Variants in PLA1A observed in about 807,000 individuals in gnomAD.
PLA1A encodes phosphatidylserine-specific phospholipase A1alpha.
Under a neutral mutation model 49.4 loss-of-function variants are expected in PLA1A, and 47 were observed. That is an observed-to-expected ratio of 0.95 (90% CI 0.75 to 1.21). The LOEUF (loss-of-function observed/expected upper bound fraction) is 1.21, where lower values mean the gene tolerates loss of function less well. Ranked by LOEUF, PLA1A falls within the 50% of genes most tolerant of loss-of-function variation. The pLI, the probability that PLA1A is intolerant of heterozygous loss-of-function variation, is 0.00. For missense variants in PLA1A, 561 were observed against 563.9 expected (o/e 0.99, Z 0.05); for synonymous variants, 224 against 207.9 (o/e 1.08, Z -0.67).
chr3:119,598,032 A>G, intron 1 of PLA1A, 46 bp downstream of exon 1: 2 of 1,240,980 alleles, frequency 1.6e-6, no homozygotes, highest in South Asian at 1.3e-5. Context: ...TCAGTCAGTG[A>G]TCATATTTCT....
chr3:119,629,739 G>C lies in PLA1A; in HGVS notation c.*271G>C. 1 of 406,708 alleles carries C rather than the reference G, an allele frequency of 2.5e-6. No individual in the cohort carries two copies. Among genetic ancestry groups the C allele is most frequent in the East Asian group, 3.6e-5 (1 of 27,752 alleles). The allele number at this position is 406,708 out of a possible 1,614,324, so 25.2% of individuals were successfully genotyped here. On this transcript the variant is annotated 3_prime_UTR_variant, in exon 11 of 11. Coordinates refer to ENST00000273371, the MANE Select transcript of PLA1A (RefSeq NM_015900.4). ...ACTTGCTTTATCTCCTTGGGCATTCGTACTTAGGATTCAATAGAAACATGT... is the reference window on the plus strand; with the variant it reads ...ACTTGCTTTATCTCCTTGGGCATTCCTACTTAGGATTCAATAGAAACATGT...
At chr3:119,602,268 G>A (rs764703294) in intron 1 of PLA1A, among the ~76,000 whole-genome samples, 25 of 152,232 alleles carry the variant, frequency 1.6e-4, no homozygotes, top group Non-Finnish European at 3.5e-4. Flanking sequence ...AAACTCTCAG[G>A]CCTCTTAGAC....
intron 8 of PLA1A, among the ~76,000 whole-genome samples, chr3:119,622,146 GGAGGAAGAAGAAGAA>G (rs1258377445): frequency 4.1e-5 from 5 of 120,860 alleles, no homozygotes; most frequent in Admixed American, 8.2e-5. Flanking sequence ...AGGAGGAGGA[GGAGGAAGAAGAAGAA>G]GAAGAAGAAG....
At position 119,616,929 on chromosome 3, in the gene PLA1A, G is replaced by A. The variant is rs111410538; in HGVS notation, c.754+828G>A. Among the ~76,000 whole-genome samples the A allele has an allele frequency of 6.0e-3, 919 of 152,256 alleles. 8 individuals carry two copies. The highest frequency in any genetic ancestry group is 0.021 in the African/African-American group (875 of 41,542). ...CTTGAGAAGGGTTTAGTTTGTCTCT[G>A]CCCCAGCTCCCTGTTGCAACTGGAG... On this transcript the variant is annotated intron_variant, in intron 6 of 10. Transcript: ENST00000273371.
chr3:119,616,312 A>G (rs962375413), intron 6 of PLA1A, among the ~76,000 whole-genome samples: 4 of 152,210 alleles, frequency 2.6e-5, no homozygotes, highest in Non-Finnish European at 5.9e-5. Flanking sequence ...AGTCCACACC[A>G]ACTGCATCCT....
chr3:119,600,133 G>C (rs556180586), intron 1 of PLA1A: 1 of 476,184 alleles, frequency 2.1e-6, no homozygotes, highest in Non-Finnish European at 3.7e-6. Context: ...TCAAATGATC[G>C]GGAGGGAGGA....
At chr3:119,608,267 AGAAAG>A in intron 2 of PLA1A, among the ~76,000 whole-genome samples, 1 of 151,670 alleles carries the variant, frequency 6.6e-6, no homozygotes, top group Middle Eastern at 3.4e-3. Flanking sequence ...AAAGAAAGAA[AGAAAG>A]AAAGAAAGAA....
At chr3:119,607,530 G>A (rs2107780790) in intron 2 of PLA1A, among the ~76,000 whole-genome samples, 1 of 152,334 alleles carries the variant, frequency 6.6e-6, no homozygotes, top group Middle Eastern at 3.4e-3. Context: ...TGGGAGGAAA[G>A]AGGGAGAGAA....
intron 1 of PLA1A, chr3:119,600,194 C>T: frequency 1.8e-6 from 1 of 564,092 alleles, no homozygotes; most frequent in South Asian, 2.4e-5. Flanking sequence ...AGTAGCTGAC[C>T]CACATGGGCC....
At chr3:119,624,911 G>A (rs145812552) in intron 8 of PLA1A, among the ~76,000 whole-genome samples, 150 of 152,332 alleles carry the variant, frequency 9.8e-4, no homozygotes, top group African/African-American at 3.2e-3. Context: ...GATTACAGGC[G>A]TGAACCACTG....
chr3:119,619,257 A>G (rs2082895118), intron 7 of PLA1A, among the ~76,000 whole-genome samples: 1 of 152,220 alleles, frequency 6.6e-6, no homozygotes, highest in Admixed American at 6.5e-5. Flanking sequence ...TGTCATGAAA[A>G]CAACTACTAT....
Position 119,618,994 on chromosome 3 carries a change from G to A in PLA1A, c.923-569G>A, listed in dbSNP as rs576226190. ...GTGCATATGTCAGTTTCCCCTAGAT[G>A]CCATGGACCCACAGACATAACAGCC... On this transcript the variant is annotated intron_variant, in intron 7 of 10. Coordinates refer to ENST00000273371, the MANE Select transcript of PLA1A (RefSeq NM_015900.4). 1.3e-3 allele frequency among the ~76,000 whole-genome samples: 194 copies of A among 152,164 alleles called. 3 individuals carry two copies. The highest frequency in any genetic ancestry group is 2.5e-3 in the Non-Finnish European group (169 of 68,028).
At chr3:119,614,657 T>A (rs1032378394) in intron 5 of PLA1A, among the ~76,000 whole-genome samples, 21 of 150,110 alleles carry the variant, frequency 1.4e-4, no homozygotes, top group Admixed American at 3.3e-4. Context: ...TTAAATTTGC[T>A]AAATATGTGA....
Position 119,603,537 on chromosome 3 carries a change from G to C in PLA1A, c.74-3237G>C, listed in dbSNP as rs112410944. 7.2e-3 allele frequency among the ~76,000 whole-genome samples: 1,103 copies of C among 152,150 alleles called. 14 individuals carry two copies. Among genetic ancestry groups the C allele is most frequent in the African/African-American group, 0.025 (1,028 of 41,496 alleles). ...TCCCTATATTTTATTTGGAATTACT[G>C]TGGTATTCTTTTCTGAGTTAAAATA... is the stretch of plus-strand genomic sequence containing the variant. On this transcript the variant is annotated intron_variant, in intron 1 of 10. Transcript: ENST00000273371.
Position 119,613,027 on chromosome 3 carries a change from C to T in PLA1A, c.573C>T (p.Pro191=), listed in dbSNP as rs2272270. The change falls in exon 5 of 11, where the codon CCC becomes CCT. Residue 191 remains proline (P), a synonymous_variant. Coordinates refer to ENST00000273371, the MANE Select transcript of PLA1A (RefSeq NM_015900.4). ...GQLGQITGLD[P]AGPEYTRASV... is the part of the protein sequence containing the mutation. Reference sequence around the variant, plus strand: ...AGTCTCTTCTCACAGGCCTGGACCCCGCTGGACCTGAGTACACCAGGGCCA... The same window carrying T: ...AGTCTCTTCTCACAGGCCTGGACCCTGCTGGACCTGAGTACACCAGGGCCA... 289,569 of 1,582,836 alleles carry T rather than the reference C, an allele frequency of 0.18. 30,904 individuals are homozygous for T. The highest frequency in any genetic ancestry group is 0.47 in the East Asian group (20,863 of 44,054).
rs560750687 is a variant in PLA1A, at chr3:119,602,027, A to G, written c.73+4041A>G. Among the ~76,000 whole-genome samples, 126 of 152,258 alleles carry G rather than the reference A, an allele frequency of 8.3e-4. 1 individual carries two copies. The highest frequency in any genetic ancestry group is 3.0e-3 in the African/African-American group (123 of 41,570). ...TTGGCCCAGCAAACCTTGCTGGGCC[A>G]TGATGTACTTTGTGGTCTTGTTATC... On this transcript the variant is annotated intron_variant, in intron 1 of 10. Coordinates refer to ENST00000273371, the MANE Select transcript of PLA1A (RefSeq NM_015900.4).
chr3:119,616,046 C>A lies in PLA1A; in HGVS notation c.699C>A (p.Asp233Glu). The change falls in exon 6 of 11, where the codon GAC (aspartate) becomes GAA (glutamate). Residue 233 changes from aspartate (D) to glutamate (E), a missense_variant. Transcript: ENST00000273371. ...LGIRIPVGHVDYFVNGGQDQP... is the reference protein window; with the variant it reads ...LGIRIPVGHVEYFVNGGQDQP... ...TTCGGATTCCCGTTGGACATGTGGACTACTTCGTCAACGGAGGCCAAGACC... is the reference window on the plus strand; with the variant it reads ...TTCGGATTCCCGTTGGACATGTGGAATACTTCGTCAACGGAGGCCAAGACC... 1 of 1,613,408 alleles carries A rather than the reference C, an allele frequency of 6.2e-7. No homozygotes were observed. The highest frequency in any genetic ancestry group is 1.7e-5 in the Admixed American group (1 of 60,026).
chr3:119,617,916 A>G, intron 6 of PLA1A, 103 bp from the exon 7 acceptor site: 1 of 866,370 alleles, frequency 1.2e-6, no homozygotes, highest in Non-Finnish European at 1.8e-6. Context: ...CCATGCATGT[A>G]TTTACAGCTT....
chr3:119,606,679 C>T (rs771632464), intron 1 of PLA1A, 95 bp from the exon 2 acceptor site: 1 of 880,890 alleles, frequency 1.1e-6, no homozygotes, highest in Non-Finnish European at 1.8e-6. Flanking sequence ...CCTGCAGGCC[C>T]CTGTTTCTTG....
Sources: gnomAD v4.1 joint callset for allele counts (sites outside exome capture counted in the v4.1 genomes callset) on GRCh38, gnomAD v4.1.1 for gene constraint, MANE v1.5 for transcripts, NCBI Gene and HGNC (gene_info 2026-07-23, HGNC 2026-07-21) for gene names.